Variants in SNTG1 observed in about 807,000 individuals in gnomAD.
The protein encoded by SNTG1 is gamma-1-syntrophin.
In SNTG1, 39 loss-of-function variants were observed where a neutral mutation model predicts 74.7. That is an observed-to-expected ratio of 0.52 (90% CI 0.40 to 0.68). The LOEUF is 0.68. SNTG1 is among the 30% of genes least tolerant of loss of function. SNTG1 has a pLI of 0.00. For missense variants in SNTG1, 685 were observed against 609.5 expected, an observed-to-expected ratio of 1.12 and a Z score of -1.30; for synonymous variants, 254 against 217.1, an observed-to-expected ratio of 1.17 and a Z score of -1.49.
chr8:50,362,113 A>G (rs2091975634), intron 2 of SNTG1, among the ~76,000 whole-genome samples: 1 of 152,032 alleles, frequency 6.6e-6, no homozygotes, highest in African/African-American at 2.4e-5. Flanking sequence ...TTCCAATTAT[A>G]TTTGTATAGA....
At chr8:49,914,909 A>G (rs1333164209) in intron 1 of SNTG1, 2 of 152,170 alleles carry the variant, frequency 1.3e-5, no homozygotes, top group South Asian at 4.1e-4. Flanking sequence ...AAATCTGTAC[A>G]GTGTGTTATA....
At chr8:50,330,144 T>A (rs1398158190) in intron 2 of SNTG1, among the ~76,000 whole-genome samples, 2 of 152,190 alleles carry the variant, frequency 1.3e-5, no homozygotes, top group Non-Finnish European at 1.5e-5. Flanking sequence ...AATTGAATCA[T>A]GGGGGTGGTT....
At chr8:50,044,600 C>G (rs1818920383) in intron 1 of SNTG1, among the ~76,000 whole-genome samples, 1 of 152,150 alleles carries the variant, frequency 6.6e-6, no homozygotes, top group African/African-American at 2.4e-5. Context: ...AGAACCTGGA[C>G]TTCTTAATCG....
intron 2 of SNTG1, among the ~76,000 whole-genome samples, chr8:50,246,444 A>G (rs1325408793): frequency 6.6e-6 from 1 of 152,112 alleles, no homozygotes; most frequent in African/African-American, 2.4e-5. Flanking sequence ...GATCCTGGGA[A>G]TAGAACCAAG....
At chr8:50,731,487 AG>A (rs1459791017) in intron 17 of SNTG1, among the ~76,000 whole-genome samples, 3 of 152,142 alleles carry the variant, frequency 2.0e-5, no homozygotes, top group African/African-American at 7.2e-5. Context: ...CTGATTGAAA[AG>A]CTTTTGACGC....
chr8:50,344,661 C>T (rs2091419125), intron 2 of SNTG1, among the ~76,000 whole-genome samples: 1 of 152,300 alleles, frequency 6.6e-6, no homozygotes, highest in Non-Finnish European at 1.5e-5. Flanking sequence ...AAAATTTCAT[C>T]TCATTATTGC....
At chr8:50,202,557 A>T in intron 2 of SNTG1, among the ~76,000 whole-genome samples, 1 of 152,070 alleles carries the variant, frequency 6.6e-6, no homozygotes, top group Non-Finnish European at 1.5e-5. Flanking sequence ...ATACTGTTCT[A>T]TTGCACAGAT....
At chr8:50,541,902 G>A (rs541992924) in intron 11 of SNTG1, among the ~76,000 whole-genome samples, 2 of 151,782 alleles carry the variant, frequency 1.3e-5, no homozygotes, top group African/African-American at 4.8e-5. Context: ...ACTTAAATAT[G>A]AGTGAGAACA....
chr8:50,177,082 G>T (rs884561), intron 2 of SNTG1, among the ~76,000 whole-genome samples: 2 of 151,950 alleles, frequency 1.3e-5, no homozygotes, highest in Non-Finnish European at 2.9e-5. Flanking sequence ...AAAATCTTTA[G>T]GTCACCATCA....
At chr8:50,332,991 A>T (rs978157436) in intron 2 of SNTG1, among the ~76,000 whole-genome samples, 1 of 152,240 alleles carries the variant, frequency 6.6e-6, no homozygotes, top group Admixed American at 6.5e-5. Flanking sequence ...CCTAATGCAA[A>T]TATGGTAAAA....
chr8:50,030,094 A>T (rs1817619767), intron 1 of SNTG1, among the ~76,000 whole-genome samples: 1 of 152,064 alleles, frequency 6.6e-6, no homozygotes, highest in Non-Finnish European at 1.5e-5. Flanking sequence ...TTTCTCTAAT[A>T]ACCAATGATG....
intron 1 of SNTG1, among the ~76,000 whole-genome samples, chr8:50,108,721 C>T (rs570171388): frequency 2.0e-5 from 3 of 152,234 alleles, no homozygotes; most frequent in South Asian, 2.1e-4. Context: ...CCTACTATGT[C>T]CAGCTCCTTT....
intron 17 of SNTG1, chr8:50,709,229 C>A: frequency 4.6e-6 from 2 of 433,048 alleles, no homozygotes; most frequent in East Asian, 6.6e-5. Context: ...ATGTATGTAT[C>A]TATCTATCAA....
At chr8:50,245,510 C>T (rs369916714) in intron 2 of SNTG1, among the ~76,000 whole-genome samples, 21 of 152,088 alleles carry the variant, frequency 1.4e-4, no homozygotes, top group African/African-American at 5.1e-4. Flanking sequence ...TGATGAAACC[C>T]CATCTCTACT....
intron 18 of SNTG1, among the ~76,000 whole-genome samples, chr8:50,759,751 TG>T (rs1440810255): frequency 6.6e-6 from 1 of 152,092 alleles, no homozygotes; most frequent in Non-Finnish European, 1.5e-5. Flanking sequence ...ACTGTAGCCT[TG>T]TAGTATAGTT....
At chr8:50,314,664 T>C (rs1403645877) in intron 2 of SNTG1, among the ~76,000 whole-genome samples, 2 of 150,258 alleles carry the variant, frequency 1.3e-5, no homozygotes, top group African/African-American at 4.9e-5. Context: ...TCTAAAATCA[T>C]GCTCTTCTTT....
intron 2 of SNTG1, among the ~76,000 whole-genome samples, chr8:50,246,530 AAAAG>A (rs2086408712): frequency 1.3e-5 from 2 of 151,728 alleles, no homozygotes; most frequent in Non-Finnish European, 2.9e-5. Flanking sequence ...GCTTAATTAG[AAAAG>A]AAAGAAAGTC....
At chr8:50,167,454 A>G (rs985853732) in intron 1 of SNTG1, among the ~76,000 whole-genome samples, 1 of 151,800 alleles carries the variant, frequency 6.6e-6, no homozygotes, top group African/African-American at 2.4e-5. Context: ...CATTCCTTCA[A>G]ATCACATTGA....
intron 10 of SNTG1, among the ~76,000 whole-genome samples, chr8:50,533,205 A>G (rs1486560885): frequency 6.6e-6 from 1 of 152,198 alleles, no homozygotes; most frequent in Non-Finnish European, 1.5e-5. Context: ...TTCTGTGCTT[A>G]CCAGAAGACT....
Sources: gnomAD v4.1 joint callset for allele counts (sites outside exome capture counted in the v4.1 genomes callset) on GRCh38, gnomAD v4.1.1 for gene constraint, MANE v1.5 for transcripts, NCBI Gene and HGNC (gene_info 2026-07-23, HGNC 2026-07-21) for gene names.